The following GALNT9 variants were observed in gnomAD, a reference collection of about 807,000 sequenced individuals.
GALNT9 encodes GalNAc transferase 9.
Under a neutral mutation model 63.1 loss-of-function variants are expected in GALNT9, and 47 were observed. The ratio of observed to expected loss-of-function variants is 0.75; its 90% CI spans 0.59 to 0.95. The LOEUF is 0.95. Among genes scored for constraint, GALNT9 ranks in the 40% least tolerant of loss-of-function variants. The pLI, the probability that GALNT9 is intolerant of heterozygous loss-of-function variation, is 0.00. For missense variants in GALNT9, 829 were observed against 874.8 expected (o/e 0.95, Z 0.66); for synonymous variants, 396 against 365.7 (o/e 1.08, Z -0.94).
At chr12:132,202,487 T>TCTAGCAGGGGG (rs1194413141) in intron 7 of GALNT9, among the ~76,000 whole-genome samples, 2 of 152,054 alleles carry the variant, frequency 1.3e-5, no homozygotes, top group Non-Finnish European at 2.9e-5. Context: ...TGGGGTGCAC[T>TCTAGCAGGGGG]CTAGCAGGGG....
At chr12:132,294,138 G>A (rs578075705) in intron 1 of GALNT9, among the ~76,000 whole-genome samples, 1 of 152,356 alleles carries the variant, frequency 6.6e-6, no homozygotes, top group African/African-American at 2.4e-5. Context: ...ACATTGGTGG[G>A]GCTGGTGGGA....
chr12:132,244,128 TGGTGCCTCCACGGGCCAAGACAGCCTGC>T (rs2136906253), intron 6 of GALNT9, among the ~76,000 whole-genome samples: 8,233 of 145,522 alleles, frequency 0.057, 306 homozygotes, highest in Middle Eastern at 0.14. Flanking sequence ...CAACAACCTG[TGGTGCCTCCACGGGCCAAGACAGCCTGC>T]GGTGCCTCCA....
chr12:132,293,617 A>C (rs1880940590), intron 1 of GALNT9, among the ~76,000 whole-genome samples: 1 of 152,244 alleles, frequency 6.6e-6, no homozygotes, highest in Non-Finnish European at 1.5e-5. Flanking sequence ...AATGTAGACA[A>C]CGTGCCACTT....
intron 1 of GALNT9, among the ~76,000 whole-genome samples, chr12:132,295,592 G>C (rs1366767834): frequency 1.3e-5 from 2 of 152,252 alleles, no homozygotes; most frequent in African/African-American, 2.4e-5. Context: ...TGGAGGCAGA[G>C]ACCGGAATGA....
chr12:132,305,262 C>G (rs1555244516), intron 1 of GALNT9, among the ~76,000 whole-genome samples: 1 of 52,464 alleles, frequency 1.9e-5, no homozygotes, highest in Non-Finnish European at 3.2e-5. Flanking sequence ...CCCAGACACA[C>G]CCTCACCGGG....
chr12:132,199,118 G>T, intron 9 of GALNT9, 56 bp downstream of exon 9: 3 of 1,159,784 alleles, frequency 2.6e-6, no homozygotes, highest in South Asian at 1.2e-5. Context: ...TGTAGGGTCC[G>T]GGTGGCCTGG....
chr12:132,222,147 T>C (rs544806696), intron 6 of GALNT9, among the ~76,000 whole-genome samples: 2 of 152,266 alleles, frequency 1.3e-5, no homozygotes, highest in South Asian at 4.2e-4. Flanking sequence ...GATCAGCAGC[T>C]TCCTCATGTG....
intron 4 of GALNT9, 79 bp from the exon 5 acceptor site, chr12:132,257,965 G>A: frequency 3.0e-6 from 3 of 986,184 alleles, no homozygotes; most frequent in Admixed American, 2.1e-5. Context: ...CCACAGGGAG[G>A]GGAGGCCAGT....
rs147822649 is a variant in GALNT9 at position 132,318,233 on chromosome 12, G to C, written c.238+10733C>G. On this transcript the variant is annotated intron_variant, in intron 1 of 10. Transcript: ENST00000328957. The stretch of plus-strand genomic sequence containing the variant: ...ATAAAAATAAAATGCTGACAGCCAA[G>C]GGCCTGAGCACAGCCCCTCTGGCCA... Among the ~76,000 whole-genome samples, 171 of 152,366 alleles carry C rather than the reference G, an allele frequency of 1.1e-3. 1 individual carries two copies. Among genetic ancestry groups the C allele is most frequent in the African/African-American group, 3.9e-3 (162 of 41,576 alleles).
chr12:132,300,283 C>G (rs1555243722), intron 1 of GALNT9, among the ~76,000 whole-genome samples: 1 of 145,000 alleles, frequency 6.9e-6, no homozygotes, highest in African/African-American at 2.6e-5. Context: ...CACACCTAAC[C>G]CACCCCTGAG....
At chr12:132,209,441 T>G (rs1373344595) in intron 6 of GALNT9, among the ~76,000 whole-genome samples, 1 of 152,018 alleles carries the variant, frequency 6.6e-6, no homozygotes. Flanking sequence ...TCCCAGCTAC[T>G]TGGGAGGCTG....
At chr12:132,205,783 C>T (rs1262302926) in intron 6 of GALNT9, 1 of 152,244 alleles carries the variant, frequency 6.6e-6, no homozygotes, top group Non-Finnish European at 1.5e-5. Flanking sequence ...TTTCTGCCTT[C>T]CAGACTAGGG....
intron 6 of GALNT9, among the ~76,000 whole-genome samples, chr12:132,209,106 CAG>C (rs60592254): frequency 0.034 from 5,116 of 152,252 alleles, 251 homozygotes; most frequent in African/African-American, 0.11. Context: ...ACATCGTGAA[CAG>C]GGGCTGGGTA....
intron 2 of GALNT9, among the ~76,000 whole-genome samples, chr12:132,267,917 A>G (rs879959393): frequency 3.0e-4 from 45 of 149,722 alleles, no homozygotes; most frequent in Non-Finnish European, 5.0e-4. Flanking sequence ...ATCCACATGC[A>G]CTCACACACA....
intron 8 of GALNT9, 51 bp from the exon 9 acceptor site, chr12:132,199,320 C>G: frequency 7.7e-7 from 1 of 1,305,478 alleles, no homozygotes; most frequent in Non-Finnish European, 1.1e-6. Context: ...AGGGTGCGGC[C>G]CCAGGGAGCT....
chr12:132,228,362 C>T (rs1877775959), intron 6 of GALNT9, among the ~76,000 whole-genome samples: 1 of 143,164 alleles, frequency 7.0e-6, no homozygotes, highest in Non-Finnish European at 1.6e-5. Context: ...CTCGCTCCCT[C>T]CCCAGAGGAA....
Position 132,197,954 on chromosome 12 carries a change from C to G in GALNT9, c.1503G>C (p.Val501=). 1 of 1,607,486 alleles carries G rather than the reference C, an allele frequency of 6.2e-7. No homozygotes were observed. The highest frequency in any genetic ancestry group is 8.5e-7 in the Non-Finnish European group (1 of 1,176,740). Residue 501 remains valine, a synonymous_variant, in exon 10 of 11, where the codon GTG becomes GTC. Coordinates refer to ENST00000328957, the MANE Select transcript of GALNT9 (RefSeq NM_001122636.2). The stretch of plus-strand genomic sequence containing the variant: ...GCAGCAGTCCATCAGCGCTGTACCG[C>G]ACCAGCTGGGGACAGGACCACCGGG... ...YPCHGMSSQL[V]RYSADGLLQL...
intron 6 of GALNT9, among the ~76,000 whole-genome samples, chr12:132,215,868 G>C (rs1403540709): frequency 6.6e-6 from 1 of 152,120 alleles, no homozygotes; most frequent in Non-Finnish European, 1.5e-5. Context: ...ATGGAGAGGG[G>C]GTGAGGGGGC....
At chr12:132,306,789 G>A (rs1450654725) in intron 1 of GALNT9, among the ~76,000 whole-genome samples, 1 of 152,220 alleles carries the variant, frequency 6.6e-6, no homozygotes, top group Non-Finnish European at 1.5e-5. Flanking sequence ...CATCACTGCG[G>A]TAATGGAAAA....
Sources: allele counts gnomAD v4.1 joint callset (sites outside exome capture counted in the v4.1 genomes callset), GRCh38; gene constraint gnomAD v4.1.1; transcripts MANE v1.5; gene names NCBI Gene and HGNC (gene_info 2026-07-23, HGNC 2026-07-21).